Variants in DST observed in about 807,000 individuals in gnomAD.
DST encodes bullous pemphigoid antigen.
DST carries 253 observed loss-of-function variants against 875.2 expected under a neutral mutation model. That is an observed-to-expected ratio of 0.29 (90% confidence interval 0.26 to 0.32). The LOEUF (loss-of-function observed/expected upper bound fraction) is 0.32. DST is among the 10% of genes least tolerant of loss of function. DST has a pLI of 1.00. For missense variants in DST, 8,287 were observed against 9,111.6 expected (o/e 0.91, Z 3.68); for synonymous variants, 3,124 against 3,197.1 (o/e 0.98, Z 0.77).
At chr6:56,702,512 G>C (rs1032855291) in intron 7 of DST, among the ~76,000 whole-genome samples, 3 of 152,086 alleles carry the variant, frequency 2.0e-5, no homozygotes, top group Admixed American at 6.6e-5. Context: ...AGCCATGATA[G>C]AGAAAGAGAG....
At chr6:56,749,366 A>C (rs2099581172) in intron 4 of DST, among the ~76,000 whole-genome samples, 1 of 152,088 alleles carries the variant, frequency 6.6e-6, no homozygotes, top group Non-Finnish European at 1.5e-5. Context: ...AAAAATAAAA[A>C]ATAAGAGCTT....
At chr6:56,691,554 G>A (rs1356870415) in intron 9 of DST, among the ~76,000 whole-genome samples, 3 of 152,084 alleles carry the variant, frequency 2.0e-5, no homozygotes, top group African/African-American at 7.2e-5. Flanking sequence ...AAAAGATAAA[G>A]TTAGGAATAG....
At chr6:56,513,890 A>G (rs2096535944) in intron 72 of DST, among the ~76,000 whole-genome samples, 1 of 152,160 alleles carries the variant, frequency 6.6e-6, no homozygotes, top group South Asian at 2.1e-4. Flanking sequence ...TGGCCCTTGG[A>G]GCCATTTTTC....
intron 55 of DST, among the ~76,000 whole-genome samples, chr6:56,566,935 G>A (rs1324303051): frequency 3.9e-5 from 6 of 152,314 alleles, no homozygotes; most frequent in African/African-American, 1.4e-4. Context: ...GAGAGAGCAT[G>A]GTGGTTAGGA....
At chr6:56,858,289 G>C (rs921773807) in intron 3 of DST, among the ~76,000 whole-genome samples, 2 of 152,134 alleles carry the variant, frequency 1.3e-5, no homozygotes, top group Non-Finnish European at 2.9e-5. Flanking sequence ...GAAGTCAAAG[G>C]TTTCTTTCTA....
intron 10 of DST, among the ~76,000 whole-genome samples, chr6:56,657,550 G>C (rs575109984): frequency 6.6e-6 from 1 of 152,228 alleles, no homozygotes; most frequent in East Asian, 1.9e-4. Flanking sequence ...AAGACAGAAA[G>C]AAGAATGGTG....
intron 2 of DST, among the ~76,000 whole-genome samples, chr6:56,946,109 T>C (rs1280653429): frequency 3.3e-5 from 5 of 151,988 alleles, no homozygotes; most frequent in Non-Finnish European, 7.4e-5. Flanking sequence ...ACAGGGAATA[T>C]CAAGTTATAA....
At chr6:56,619,987 T>A (rs1178750106) in intron 36 of DST, 1 of 1,614,024 alleles carries the variant, frequency 6.2e-7, no homozygotes, top group African/African-American at 1.3e-5. Context: ...GGAGACCCGT[T>A]ACTGCCCTGC....
At chr6:56,685,041 C>CA (rs2099175113) in intron 9 of DST, among the ~76,000 whole-genome samples, 1 of 120,172 alleles carries the variant, frequency 8.3e-6, no homozygotes, top group Non-Finnish European at 1.6e-5. Flanking sequence ...ATTATGTTCT[C>CA]TTCCTCTCTC....
Position 56,459,021 on chromosome 6 carries a change from T to G in DST, c.23441A>C (p.Lys7814Thr). Residue 7814 changes from lysine (K) to threonine (T), a missense_variant, in exon 104 of 104, where the codon AAG (lysine) becomes ACG (threonine). By Grantham distance (78) the Lys-to-Thr change is moderately conservative (BLOSUM62 -1). This residue lies in a region of DST where 240 missense variants were observed against 237.3 expected (regional missense o/e 1.01). Transcript: ENST00000680361. ...QRKSPASKLD[K>T]SSKR ...CCAATTGCACTATCTCTTTGAGGAC[T>G]TGTCCAATTTGCTGGCAGGTGATTT... 1 of 1,611,766 alleles carries G rather than the reference T, an allele frequency of 6.2e-7. No individual in the cohort carries two copies. Among genetic ancestry groups the G allele is most frequent in the Non-Finnish European group, 8.5e-7 (1 of 1,178,282 alleles).
intron 5 of DST, among the ~76,000 whole-genome samples, chr6:56,716,998 G>A (rs1589116883): frequency 1.3e-5 from 2 of 151,962 alleles, no homozygotes; most frequent in Admixed American, 1.3e-4. Flanking sequence ...TGGCTAACAC[G>A]GTGAAACCCC....
At chr6:56,806,855 G>A (rs977727841) in intron 4 of DST, among the ~76,000 whole-genome samples, 3 of 152,088 alleles carry the variant, frequency 2.0e-5, no homozygotes, top group African/African-American at 7.2e-5. Flanking sequence ...GGAAGATGAC[G>A]CTCACAGAAG....
chr6:56,509,127 G>A (rs1167609076), intron 74 of DST, among the ~76,000 whole-genome samples: 1 of 152,170 alleles, frequency 6.6e-6, no homozygotes, highest in Non-Finnish European at 1.5e-5. Context: ...TCAGTCCCAG[G>A]AATGTAACAA....
At chr6:56,471,491 A>C (rs2094889427) in intron 94 of DST, among the ~76,000 whole-genome samples, 1 of 152,186 alleles carries the variant, frequency 6.6e-6, no homozygotes, top group Non-Finnish European at 1.5e-5. Context: ...TAAAAACTTA[A>C]GCTGTAAATT....
chr6:56,615,933 C>T (rs772083323), intron 36 of DST: 7 of 1,614,082 alleles, frequency 4.3e-6, no homozygotes, highest in Non-Finnish European at 5.9e-6. Context: ...TGGGCAAACC[C>T]CTCATCAACC....
At chr6:56,644,025 T>G (rs975734707) in intron 15 of DST, among the ~76,000 whole-genome samples, 2 of 152,206 alleles carry the variant, frequency 1.3e-5, no homozygotes, top group Non-Finnish European at 2.9e-5. Flanking sequence ...TTGTCTAACA[T>G]CATACAACTT....
At chr6:56,578,207 C>G (rs2097904461) in intron 50 of DST, among the ~76,000 whole-genome samples, 1 of 151,742 alleles carries the variant, frequency 6.6e-6, no homozygotes, top group Non-Finnish European at 1.5e-5. Flanking sequence ...CCCATCTCTA[C>G]AAAAAAAATT....
At chr6:56,666,264 T>C (rs2099071690) in intron 10 of DST, among the ~76,000 whole-genome samples, 1 of 152,158 alleles carries the variant, frequency 6.6e-6, no homozygotes, top group African/African-American at 2.4e-5. Flanking sequence ...CAAATTAATA[T>C]ATTTGATTAA....
Position 56,536,810 on chromosome 6 carries a change from A to C in DST, c.16739T>G (p.Val5580Gly). The change falls in exon 62 of 104, where the codon GTC becomes GGC. Residue 5580 changes from valine to glycine, a missense_variant. By Grantham distance (109) the Val-to-Gly change is moderately radical (BLOSUM62 -3). Around this residue, in one of 10 missense-constraint regions of DST, gnomAD observed 777 missense variants for 764.8 expected, o/e 1.02. Transcript: ENST00000680361. ...ATTGAGAGTCTTCCACCGTGCATTG[A>C]CATCATCCAGGTCATGCTCCAAGCC... ...TQGLEHDLDD[V>G]NARWKTLNKK... 1 of 1,597,770 alleles carries C rather than the reference A, an allele frequency of 6.3e-7. No homozygotes were observed. Among genetic ancestry groups the C allele is most frequent in the Non-Finnish European group, 8.5e-7 (1 of 1,172,232 alleles).
Sources: gnomAD v4.1 joint callset for allele counts (sites outside exome capture counted in the v4.1 genomes callset) on GRCh38, gnomAD v4.1.1 for gene constraint, gnomAD v4.1.1 regional missense constraint, MANE v1.5 for transcripts, NCBI Gene and HGNC (gene_info 2026-07-23, HGNC 2026-07-21) for gene names.